The following SQSTM1 variants were observed in gnomAD, a reference collection of about 807,000 sequenced individuals.
SQSTM1 encodes the protein sequestosome-1.
SQSTM1 carries 36 observed loss-of-function variants against 45.1 expected under a neutral mutation model. That is an observed-to-expected ratio of 0.80 (90% CI 0.61 to 1.05). The LOEUF is 1.05. SQSTM1 is among the 50% of genes least tolerant of loss of function. The probability of loss-of-function intolerance (pLI) is 0.00; values close to 1 mark genes in which losing one functional copy is unlikely to be tolerated. For missense variants in SQSTM1, 617 were observed against 607.1 expected (o/e 1.02, Z -0.17); for synonymous variants, 290 against 244.3 (o/e 1.19, Z -1.74).
In SQSTM1 at chr5:179,806,887, A is replaced by C. The variant is rs1231226454; in HGVS notation, c.-157+296A>C. ...ACACTGGCGGCCTCGCCTCCGCGGC[A>C]GGGCCGGGCCGGGCCGGGCTGGGCT... On this transcript the variant is annotated intron_variant, in intron 1 of 5. Coordinates refer to the SQSTM1 transcript ENST00000514093. The surrounding 1 kb of genome is among the most constrained non-coding windows in gnomAD (Gnocchi z 4.6). 2 of 149,726 alleles carry C rather than the reference A, an allele frequency of 1.3e-5. No individual in the cohort carries two copies. The highest frequency in any genetic ancestry group is 3.0e-5 in the Non-Finnish European group (2 of 67,532). 9.3% of individuals were successfully genotyped at this position (149,726 alleles called of 1,614,324 possible). A position where few individuals can be genotyped will look rare whatever the true frequency, so the allele number is the denominator to read the frequency against.
chr5:179,818,012 CAAAAAAAAAAAA>C (rs528143529), upstream of SQSTM1, among the ~76,000 whole-genome samples: 16 of 29,188 alleles, frequency 5.5e-4, no homozygotes, highest in South Asian at 0.016. Flanking sequence ...GAGACTGTCT[CAAAAAAAAAAAA>C]AAAAAAAAAA....
At chr5:179,822,818 C>G (rs1385026332) in intron 1 of SQSTM1, 140 bp from the exon 2 acceptor site, 3 of 764,404 alleles carry the variant, frequency 3.9e-6, no homozygotes, top group Non-Finnish European at 6.9e-6. Context: ...GCCTCTCACT[C>G]CTGCCCTCTG....
At chr5:179,820,821 G>A, upstream of SQSTM1, 1 of 1,031,644 alleles carries the variant, frequency 9.7e-7, no homozygotes, top group Non-Finnish European at 1.3e-6. Flanking sequence ...CGGGGGCGGG[G>A]AGGGCGCGAG....
At chr5:179,810,040 C>T (rs1209753986) in intron 1 of SQSTM1, among the ~76,000 whole-genome samples, 6 of 151,762 alleles carry the variant, frequency 4.0e-5, no homozygotes, top group Non-Finnish European at 7.4e-5. Flanking sequence ...CACTTTGGCC[C>T]CTCAGAGTGC....
At chr5:179,832,623 A>G (rs1039637182) in intron 5 of SQSTM1, among the ~76,000 whole-genome samples, 3 of 152,134 alleles carry the variant, frequency 2.0e-5, no homozygotes, top group African/African-American at 2.4e-5. Flanking sequence ...CGTGTCCTGC[A>G]TGGTTAGGAA....
At chr5:179,814,017 TC>T (rs1757509885), upstream of SQSTM1, among the ~76,000 whole-genome samples, 1 of 152,148 alleles carries the variant, frequency 6.6e-6, no homozygotes, top group Non-Finnish European at 1.5e-5. Flanking sequence ...AAAATGTCTA[TC>T]GGGGTGGTGG....
In SQSTM1 at chr5:179,806,462, C is replaced by A; in HGVS notation, c.-286C>A. 8.1e-7 allele frequency: 1 copy of A among 1,240,824 alleles called. No individual in the cohort carries two copies. The highest frequency in any genetic ancestry group is 1.9e-5 in the South Asian group (1 of 52,840). The allele number at this position is 1,240,824 out of a possible 1,614,324, so 76.9% of individuals were successfully genotyped here. On this transcript the variant is annotated 5_prime_UTR_variant, in exon 1 of 6. Transcript: ENST00000514093. The surrounding 1 kb of genome is among the most constrained non-coding windows in gnomAD (Gnocchi z 4.6). ...CGCCGACGCCCAGGTGCGCCAGGTG[C>A]GGGCCGGGCGGGGGTCGCGCTCACC...
upstream of SQSTM1, chr5:179,820,525 G>A (rs1167714850): frequency 2.4e-5 from 4 of 166,478 alleles, no homozygotes; most frequent in Non-Finnish European, 5.1e-5. Context: ...CCCTCTCCCT[G>A]CACTGGGTAC....
chr5:179,836,312 A>C, intron 7 of SQSTM1, 124 bp from the exon 8 acceptor site: 6 of 1,311,516 alleles, frequency 4.6e-6, no homozygotes, highest in Non-Finnish European at 6.6e-6. Flanking sequence ...TGAGGACGAG[A>C]GCTCTGGGCA....
chr5:179,818,114 G>A (rs1757640131), upstream of SQSTM1, among the ~76,000 whole-genome samples: 1 of 151,922 alleles, frequency 6.6e-6, no homozygotes, highest in Non-Finnish European at 1.5e-5. Context: ...GACATTTAGG[G>A]TGGGAAGTTG....
In SQSTM1 at chr5:179,824,323, G is replaced by C. The variant is rs1281495918; in HGVS notation, c.673G>C (p.Ala225Pro). The change falls in exon 4 of 8, where the codon GCT becomes CCT. Residue 225 changes from alanine to proline, a missense_variant and splice_region_variant. By Grantham distance (27) the Ala-to-Pro change is conservative. Coordinates refer to ENST00000389805, the MANE Select transcript of SQSTM1 (RefSeq NM_003900.5). The part of the protein sequence containing the change: ...EARPGPTAES[A>P]SGPSEDPSVN... Reference sequence around the variant, plus strand: ...CCGCCCTGGCCCCACGGCAGAATCAGGTGAGGCTTGTGTTGGAACCTGCTT... The same window carrying C: ...CCGCCCTGGCCCCACGGCAGAATCACGTGAGGCTTGTGTTGGAACCTGCTT... 7 of 1,613,440 alleles carry C rather than the reference G, an allele frequency of 4.3e-6. No homozygotes were observed. The East Asian group carries it at 1.6e-4, about 36-fold the overall frequency.
At chr5:179,824,586 T>C (rs1423222637) in intron 4 of SQSTM1, among the ~76,000 whole-genome samples, 4 of 152,100 alleles carry the variant, frequency 2.6e-5, no homozygotes, top group Admixed American at 2.6e-4. Flanking sequence ...CCTCTCAAGG[T>C]ACCCTGAGGT....
chr5:179,833,178 G>C lies in SQSTM1; in HGVS notation c.901G>C (p.Glu301Gln), dbSNP rs1258386028. 6.2e-6 allele frequency: 10 copies of C among 1,613,846 alleles called. No individual in the cohort carries two copies. The Admixed American group carries it at 1.7e-4, about 27-fold the overall frequency. ...CCCCAGCAAGCCGGGTGGGAATGTT[G>C]AGGGCGCCACGCAGTCTCTGGCGGA... ...SDPSKPGGNV[E>Q]GATQSLAEQM... Residue 301 changes from glutamate to glutamine, a missense_variant, in exon 6 of 8, where the codon GAG (glutamate) becomes CAG (glutamine). Transcript: ENST00000389805.
intron 1 of SQSTM1, chr5:179,807,050 T>G (rs1185914783): frequency 4.5e-5 from 6 of 134,450 alleles, no homozygotes; most frequent in East Asian, 2.5e-4. Flanking sequence ...CGCGAGGGGG[T>G]GGGGTGGGGG....
intron 5 of SQSTM1, among the ~76,000 whole-genome samples, chr5:179,831,814 T>C (rs1382070856): frequency 6.6e-6 from 1 of 151,162 alleles, no homozygotes; most frequent in East Asian, 2.0e-4. Flanking sequence ...AGATGGAGTC[T>C]TGCTCTGTCA....
upstream of SQSTM1, among the ~76,000 whole-genome samples, chr5:179,816,020 C>T (rs920652667): frequency 1.3e-5 from 2 of 152,056 alleles, no homozygotes; most frequent in South Asian, 2.1e-4. Flanking sequence ...GGGGGAAGAG[C>T]GGGCACTGGG....
chr5:179,812,317 C>G (rs1340166265), intron 2 of SQSTM1: 1 of 152,254 alleles, frequency 6.6e-6, no homozygotes, highest in African/African-American at 2.4e-5. Flanking sequence ...GTACTGCAGG[C>G]CTGCAGAAAG....
chr5:179,821,541 G>T, intron 1 of SQSTM1: 1 of 477,974 alleles, frequency 2.1e-6, no homozygotes. Context: ...CTGACACCTT[G>T]CTGCGCCAGG....
In SQSTM1 at chr5:179,806,519, A is replaced by G; in HGVS notation, c.-229A>G. 1 of 1,337,712 alleles carries G rather than the reference A, an allele frequency of 7.5e-7. No individual in the cohort carries two copies. Among genetic ancestry groups the G allele is most frequent in the Non-Finnish European group, 9.8e-7 (1 of 1,019,194 alleles). 82.9% of individuals were successfully genotyped at this position (1,337,712 alleles called of 1,614,324 possible). On this transcript the variant is annotated 5_prime_UTR_variant, in exon 1 of 6. Coordinates refer to the SQSTM1 transcript ENST00000514093. The surrounding 1 kb of genome is among the most constrained non-coding windows in gnomAD (Gnocchi z 4.6). The stretch of plus-strand genomic sequence containing the variant: ...GCCGCTGAGTGCCGCGTACCAGGAC[A>G]GCGAGAGGAAGGCGCACAGGCAGAA...
Sources: gnomAD v4.1 joint callset for allele counts (sites outside exome capture counted in the v4.1 genomes callset) on GRCh38, gnomAD v4.1.1 for gene constraint, Gnocchi (gnomAD v3.1) non-coding constraint, MANE v1.5 for transcripts, NCBI Gene and HGNC (gene_info 2026-07-23, HGNC 2026-07-21) for gene names.